BABAM2: variants seen among roughly 807,000 people sequenced by gnomAD.
BABAM2 encodes the protein BRISC and BRCA1-A complex member 2.
A neutral mutation model predicts 54.7 loss-of-function variants in BABAM2; 31 were observed. The ratio of observed to expected loss-of-function variants is 0.57; its 90% CI spans 0.43 to 0.77. The LOEUF is 0.77. Ranked by LOEUF, BABAM2 falls within the 30% of genes least tolerant of loss-of-function variation. The pLI is 0.00. For synonymous variants in BABAM2, 167 were observed against 162.9 expected (o/e 1.03, Z -0.19); for missense variants, 364 against 455.8 (o/e 0.80, Z 1.83).
rs866807096 is a variant in BABAM2, at chr2:28,051,904, C to T, written c.570+6105C>T. Among the ~76,000 whole-genome samples the T allele has an allele frequency of 3.3e-5, 5 of 152,264 alleles. 1 individual carries two copies. Among genetic ancestry groups the T allele is most frequent in the Middle Eastern group, 6.8e-3 (2 of 294 alleles). On this transcript the variant is annotated intron_variant, in intron 6 of 11. Coordinates refer to ENST00000379624, the MANE Select transcript of BABAM2 (RefSeq NM_199191.3). ...ACCTCAGGTGATCCACCCACCTTGG[C>T]CTCCCAAGGTTCTGGGATTACAGGC...
At chr2:27,949,223 C>T (rs1307630994) in intron 3 of BABAM2, among the ~76,000 whole-genome samples, 2 of 152,192 alleles carry the variant, frequency 1.3e-5, no homozygotes, top group Admixed American at 6.5e-5. Context: ...GACAGCACAT[C>T]TTAAGAGACT....
chr2:28,079,440 G>A (rs1175216459), intron 6 of BABAM2, among the ~76,000 whole-genome samples: 2 of 152,060 alleles, frequency 1.3e-5, no homozygotes, highest in Admixed American at 1.3e-4. Context: ...TCTTTTTGTT[G>A]TAGTACAAGA....
chr2:28,194,827 T>C (rs1197287770), intron 7 of BABAM2, among the ~76,000 whole-genome samples: 1 of 152,140 alleles, frequency 6.6e-6, no homozygotes, highest in African/African-American at 2.4e-5. Context: ...CCCAAAGTGC[T>C]GAGATTACAG....
intron 2 of BABAM2, among the ~76,000 whole-genome samples, chr2:27,923,600 A>G (rs571937554): frequency 6.6e-6 from 1 of 152,222 alleles, no homozygotes; most frequent in African/African-American, 2.4e-5. Context: ...CCTGGGCTCT[A>G]GAGCAAGACA....
intron 7 of BABAM2, among the ~76,000 whole-genome samples, chr2:28,147,688 T>A (rs1434858387): frequency 6.6e-6 from 1 of 152,156 alleles, no homozygotes; most frequent in Non-Finnish European, 1.5e-5. Context: ...TTAGCCAGGA[T>A]GGTCTCGATC....
In BABAM2 at chr2:27,948,777, TA is replaced by T. The variant is rs879522279; in HGVS notation, c.205+18879del. On this transcript the variant is annotated intron_variant, in intron 3 of 11. Coordinates refer to ENST00000379624, the MANE Select transcript of BABAM2 (RefSeq NM_199191.3). ...CAGAGTGAGACTCCACCTCAAAAAA[TA>T]AAAAAAAAAGTTTTAAGATTAGATA... Among the ~76,000 whole-genome samples the T allele has an allele frequency of 7.1e-3, 1,058 of 148,440 alleles. 12 individuals are homozygous for T. Among genetic ancestry groups the T allele is most frequent in the African/African-American group, 0.025 (999 of 40,558 alleles).
intron 6 of BABAM2, among the ~76,000 whole-genome samples, chr2:28,089,965 A>C (rs141170212): frequency 0.012 from 1,878 of 151,822 alleles, 16 homozygotes; most frequent in Middle Eastern, 0.031. Flanking sequence ...TATTTATATT[A>C]TTTATATTAC....
At chr2:28,057,312 T>C (rs1263879582) in intron 6 of BABAM2, among the ~76,000 whole-genome samples, 1 of 152,230 alleles carries the variant, frequency 6.6e-6, no homozygotes, top group African/African-American at 2.4e-5. Context: ...AAGCAGTTGG[T>C]TTTCCTAAGC....
chr2:28,180,313 G>A (rs1010212736), intron 7 of BABAM2, among the ~76,000 whole-genome samples: 14 of 151,874 alleles, frequency 9.2e-5, no homozygotes, highest in African/African-American at 3.1e-4. Flanking sequence ...ATAAATCCTT[G>A]TATTTACAGC....
chr2:28,028,160 G>A (rs1031847694), intron 5 of BABAM2, among the ~76,000 whole-genome samples: 7 of 152,026 alleles, frequency 4.6e-5, no homozygotes, highest in African/African-American at 1.2e-4. Context: ...ATGGGCCATC[G>A]AATGGAGGGC....
intron 7 of BABAM2, among the ~76,000 whole-genome samples, chr2:28,131,924 TGC>T (rs1241357181): frequency 6.6e-6 from 1 of 152,194 alleles, no homozygotes; most frequent in Non-Finnish European, 1.5e-5. Context: ...GGCAATAATT[TGC>T]CAGCTCAGAA....
intron 5 of BABAM2, among the ~76,000 whole-genome samples, chr2:28,044,345 T>G (rs1216734743): frequency 6.6e-6 from 1 of 152,176 alleles, no homozygotes; most frequent in East Asian, 1.9e-4. Flanking sequence ...TTCTCCTGCC[T>G]CAGCCTCCCG....
rs111457000 is a variant in BABAM2 at position 28,286,244 on chromosome 2, G to A, written c.935-12094G>A. On this transcript the variant is annotated intron_variant, in intron 10 of 11. Transcript: ENST00000379624. Reference sequence around the variant, plus strand: ...GTTGGGATTACAGGCGTGAGCCACCGCGCCTGGCCTTATTTTTGATTTGTA... The same window carrying A: ...GTTGGGATTACAGGCGTGAGCCACCACGCCTGGCCTTATTTTTGATTTGTA... 6.9e-3 allele frequency among the ~76,000 whole-genome samples: 1,048 copies of A among 152,156 alleles called. 8 individuals carry two copies. The highest frequency in any genetic ancestry group is 0.023 in the African/African-American group (961 of 41,508).
At chr2:27,922,025 A>G (rs1159686786) in intron 2 of BABAM2, among the ~76,000 whole-genome samples, 2 of 152,042 alleles carry the variant, frequency 1.3e-5, no homozygotes, top group Non-Finnish European at 2.9e-5. Context: ...TGGAGTGTTC[A>G]CCTCCTGGAT....
At chr2:28,148,513 A>G (rs567985209) in intron 7 of BABAM2, among the ~76,000 whole-genome samples, 2 of 152,326 alleles carry the variant, frequency 1.3e-5, no homozygotes, top group South Asian at 2.1e-4. Flanking sequence ...TACATGCAGA[A>G]CCACATTTTG....
chr2:28,071,897 A>G (rs955233225), intron 6 of BABAM2, among the ~76,000 whole-genome samples: 2 of 152,222 alleles, frequency 1.3e-5, no homozygotes, highest in African/African-American at 4.8e-5. Context: ...TCTTCAGGTT[A>G]GCTCCTGAAT....
intron 7 of BABAM2, among the ~76,000 whole-genome samples, chr2:28,218,464 C>T (rs1051820879): frequency 3.3e-5 from 5 of 152,190 alleles, no homozygotes; most frequent in Non-Finnish European, 2.9e-5. Flanking sequence ...TTGACCTTGA[C>T]ATTTTTGAAG....
intron 6 of BABAM2, among the ~76,000 whole-genome samples, chr2:28,077,580 G>C (rs778275253): frequency 1.1e-4 from 16 of 152,072 alleles, no homozygotes; most frequent in Admixed American, 2.0e-4. Flanking sequence ...GGGTTTTTTT[G>C]AGGGGAGGGG....
intron 7 of BABAM2, among the ~76,000 whole-genome samples, chr2:28,138,203 A>G (rs772246534): frequency 1.3e-5 from 2 of 152,226 alleles, no homozygotes; most frequent in Non-Finnish European, 2.9e-5. Flanking sequence ...CAGAAAGTAG[A>G]TGGGAAAATG....
Sources: gnomAD v4.1 joint callset for allele counts (sites outside exome capture counted in the v4.1 genomes callset) on GRCh38, gnomAD v4.1.1 for gene constraint, MANE v1.5 for transcripts, NCBI Gene and HGNC (gene_info 2026-07-23, HGNC 2026-07-21) for gene names.